Variants in B3GNT5 observed in about 807,000 individuals in gnomAD.
B3GNT5 encodes UDP-GlcNAc:betaGal beta-1,3-N-acetylglucosaminyltransferase 5.
B3GNT5 carries 11 observed loss-of-function variants against 25.9 expected under a neutral mutation model. The observed-to-expected ratio is 0.42, with a 90% CI of 0.27 to 0.70. B3GNT5 has a LOEUF of 0.70. Ranked by LOEUF, B3GNT5 falls within the 30% of genes least tolerant of loss-of-function variation. The probability of loss-of-function intolerance (pLI) is 0.23; values close to 1 mark genes in which losing one functional copy is unlikely to be tolerated. For synonymous variants in B3GNT5, 166 were observed against 158.6 expected, an observed-to-expected ratio of 1.05 and a Z score of -0.35; for missense variants, 385 against 458.4, an observed-to-expected ratio of 0.84 and a Z score of 1.46.
rs78189343 is a variant in B3GNT5 at position 183,260,465 on chromosome 3, T to C, written c.-302+6993T>C. Among the ~76,000 whole-genome samples, 1,002 of 152,326 alleles carry C rather than the reference T, an allele frequency of 6.6e-3. 13 individuals carry two copies. The highest frequency in any genetic ancestry group is 0.023 in the African/African-American group (970 of 41,566). ...GGGCCAAGCTCAGAAAAGCGAGTGT[T>C]TGACCTCTCTGAGACCTCCTTTATA... On this transcript the variant is annotated intron_variant, in intron 1 of 1. Transcript: ENST00000326505.
intron 1 of B3GNT5, among the ~76,000 whole-genome samples, chr3:183,259,320 G>T (rs1725370161): frequency 6.6e-6 from 1 of 152,140 alleles, no homozygotes; most frequent in Non-Finnish European, 1.5e-5. Flanking sequence ...CAGGGGTGGG[G>T]CTAGGAGTAG....
At position 183,255,823 on chromosome 3, in the gene B3GNT5, G is replaced by GA. The variant is rs1724994934; in HGVS notation, c.-302+2356dup. On this transcript the variant is annotated intron_variant, in intron 1 of 1. Coordinates refer to ENST00000326505, the MANE Select transcript of B3GNT5 (RefSeq NM_032047.5). ...GTGAGATTGTAAAAAAAAAAAAAAA[G>GA]AAAAAGAAAACTTTCTAATTCTCAA... Among the ~76,000 whole-genome samples the GA allele has an allele frequency of 3.4e-5, 5 of 145,974 alleles. No individual in the cohort carries two copies. The South Asian group carries it at 1.1e-3, about 32-fold the overall frequency.
In B3GNT5 at chr3:183,270,149, T is replaced by C; in HGVS notation, c.351T>C (p.Val117=). 3 of 1,614,120 alleles carry C rather than the reference T, an allele frequency of 1.9e-6. No individual in the cohort carries two copies. The highest frequency in any genetic ancestry group is 2.5e-6 in the Non-Finnish European group (3 of 1,180,012). The change falls in exon 2 of 2, where the codon GTT becomes GTC. Residue 117 remains valine, a synonymous_variant. Transcript: ENST00000326505. The surrounding 1 kb of genome is among the most constrained non-coding windows in gnomAD (Gnocchi z 4.5). ...IRRTWGNENY[V]RSQLNANIKT... ...GGACGTGGGGCAATGAAAATTATGT[T>C]CGGTCTCAGCTGAATGCCAACATCA...
chr3:183,264,985 C>CA (rs1343763301), intron 1 of B3GNT5, among the ~76,000 whole-genome samples: 1 of 152,194 alleles, frequency 6.6e-6, no homozygotes, highest in Non-Finnish European at 1.5e-5. Context: ...CCCTTCTTCT[C>CA]AGTCCAAATA....
Position 183,270,190 on chromosome 3 carries a change from T to C in B3GNT5, c.392T>C (p.Leu131Ser). Residue 131 changes from leucine to serine, a missense_variant, in exon 2 of 2, where the codon TTA becomes TCA. By Grantham distance (145) the Leu-to-Ser change is moderately radical. Coordinates refer to ENST00000326505, the MANE Select transcript of B3GNT5 (RefSeq NM_032047.5). This position sits in a 1 kb window ranked among gnomAD's most constrained non-coding sequence, Gnocchi z 4.5. ...LNANIKTLFA[L>S]GTPNPLEGEE... ...GCCAACATCAAAACTCTGTTTGCCT[T>C]AGGAACTCCTAATCCACTGGAGGGA... The C allele has an allele frequency of 1.2e-6, 2 of 1,614,204 alleles. No individual in the cohort carries two copies. Among genetic ancestry groups the C allele is most frequent in the Non-Finnish European group, 1.7e-6 (2 of 1,180,028 alleles).
intron 1 of B3GNT5, among the ~76,000 whole-genome samples, chr3:183,254,932 G>GTA (rs1232173591): frequency 2.0e-5 from 3 of 152,208 alleles, no homozygotes; most frequent in Admixed American, 2.0e-4. Flanking sequence ...TACCATATAG[G>GTA]TAAAAGTAAC....
intron 1 of B3GNT5, chr3:183,258,409 C>G (rs545155925): frequency 6.6e-6 from 1 of 152,658 alleles, no homozygotes; most frequent in African/African-American, 2.4e-5. Context: ...CGGGGTATGG[C>G]TGTAGACTTC....
intron 1 of B3GNT5, among the ~76,000 whole-genome samples, chr3:183,265,730 C>T (rs1225185366): frequency 6.6e-6 from 1 of 152,204 alleles, no homozygotes; most frequent in African/African-American, 2.4e-5. Flanking sequence ...AGGAGTTTTA[C>T]TTTTCCTAAA....
intron 1 of B3GNT5, among the ~76,000 whole-genome samples, chr3:183,262,024 T>C (rs1725639196): frequency 6.8e-6 from 1 of 146,948 alleles, no homozygotes; most frequent in Admixed American, 6.8e-5. Context: ...GAATATTTAT[T>C]AATAAAAGTT....
chr3:183,263,864 C>G (rs1725847177), intron 1 of B3GNT5, among the ~76,000 whole-genome samples: 1 of 152,188 alleles, frequency 6.6e-6, no homozygotes, highest in African/African-American at 2.4e-5. Context: ...GGTCATTCAT[C>G]AGGTCCTGCT....
At position 183,269,696 on chromosome 3, in the gene B3GNT5, T is replaced by C; in HGVS notation, c.-103T>C. 9.8e-7 allele frequency: 1 copy of C among 1,018,440 alleles called. No homozygotes were observed. The highest frequency in any genetic ancestry group is 1.6e-5 in the South Asian group (1 of 61,120). The allele number at this position is 1,018,440 out of a possible 1,614,324, so 63.1% of individuals were successfully genotyped here. ...ACTTCCATTTTTAATGACCAACATG[T>C]ATTAAGATGGACACCTACTCTACGA... On this transcript the variant is annotated 5_prime_UTR_variant, in exon 2 of 2. Transcript: ENST00000326505.
chr3:183,263,574 T>C (rs1725817225), intron 1 of B3GNT5, among the ~76,000 whole-genome samples: 1 of 152,166 alleles, frequency 6.6e-6, no homozygotes, highest in Non-Finnish European at 1.5e-5. Context: ...TCCAGGCCCA[T>C]TGCTGTCTCT....
chr3:183,270,079 T>C lies in B3GNT5; in HGVS notation c.281T>C (p.Val94Ala), dbSNP rs1726604035. 6.2e-7 allele frequency: 1 copy of C among 1,614,062 alleles called. No homozygotes were observed. Among genetic ancestry groups the C allele is most frequent in the South Asian group, 1.1e-5 (1 of 91,084 alleles). Residue 94 changes from valine (V) to alanine (A), a missense_variant, in exon 2 of 2, where the codon GTA (valine) becomes GCA (alanine). Val to Ala is a moderately conservative substitution (Grantham distance 64). Transcript: ENST00000326505. This position sits in a 1 kb window ranked among gnomAD's most constrained non-coding sequence, Gnocchi z 4.5. ...QAQDVLLLLF[V>A]KTAPENYDRR... The stretch of plus-strand genomic sequence containing the variant: ...CAAGACGTCCTCCTTTTACTGTTTG[T>C]AAAAACTGCTCCTGAAAACTATGAT...
rs752838845 is a variant in B3GNT5 at position 183,270,249 on chromosome 3, C to A, written c.451C>A (p.Gln151Lys). The stretch of plus-strand genomic sequence containing the variant: ...ACAAAGAAAACTGGCTTGGGAAGAT[C>A]AAAGGTACAATGATATAATTCAGCA... ...ELQRKLAWED[Q>K]RYNDIIQQDF... The change falls in exon 2 of 2, where the codon CAA becomes AAA. Residue 151 changes from glutamine to lysine, a missense_variant. Gln to Lys is a moderately conservative substitution (Grantham distance 53). Coordinates refer to ENST00000326505, the MANE Select transcript of B3GNT5 (RefSeq NM_032047.5). The surrounding 1 kb of genome is among the most constrained non-coding windows in gnomAD (Gnocchi z 4.5). 11 of 1,613,998 alleles carry A rather than the reference C, an allele frequency of 6.8e-6. No homozygotes were observed. Among genetic ancestry groups the A allele is most frequent in the Admixed American group, 1.7e-5 (1 of 60,006 alleles).
At chr3:183,261,221 T>C (rs1052390371) in intron 1 of B3GNT5, among the ~76,000 whole-genome samples, 1 of 152,188 alleles carries the variant, frequency 6.6e-6, no homozygotes, top group Admixed American at 6.5e-5. Flanking sequence ...AAATTATAGC[T>C]TTTCCAGTAA....
chr3:183,270,531 C>G lies in B3GNT5; in HGVS notation c.733C>G (p.Gln245Glu). 2 of 1,614,056 alleles carry G rather than the reference C, an allele frequency of 1.2e-6. No individual in the cohort carries two copies. Among genetic ancestry groups the G allele is most frequent in the Non-Finnish European group, 1.7e-6 (2 of 1,179,980 alleles). ...SKYYVSYEMY[Q>E]WPAYPDYTAG... is the part of the protein sequence containing the mutation. ...ATACTACGTGTCCTATGAAATGTACCAGTGGCCAGCTTACCCTGACTACAC... is the reference window on the plus strand; with the variant it reads ...ATACTACGTGTCCTATGAAATGTACGAGTGGCCAGCTTACCCTGACTACAC... The change falls in exon 2 of 2, where the codon CAG becomes GAG. Residue 245 changes from glutamine (Q) to glutamate (E), a missense_variant. Transcript: ENST00000326505. This position sits in a 1 kb window ranked among gnomAD's most constrained non-coding sequence, Gnocchi z 4.5.
intron 1 of B3GNT5, among the ~76,000 whole-genome samples, chr3:183,269,230 C>CTTTTTTTTTTTATTTTTT (rs1726472230): frequency 2.5e-5 from 2 of 81,030 alleles, no homozygotes; most frequent in East Asian, 1.1e-3. Context: ...GTTTGGGAAG[C>CTTTTTTTTTTTATTTTTT]TTTTTTTTTT....
chr3:183,261,100 T>G (rs1725537322), intron 1 of B3GNT5, among the ~76,000 whole-genome samples: 2 of 152,350 alleles, frequency 1.3e-5, no homozygotes, highest in African/African-American at 4.8e-5. Flanking sequence ...TCACATTGCC[T>G]CCTTCCTCCT....
intron 1 of B3GNT5, among the ~76,000 whole-genome samples, chr3:183,263,922 C>G (rs1725853642): frequency 6.6e-6 from 1 of 152,106 alleles, no homozygotes; most frequent in Non-Finnish European, 1.5e-5. Context: ...TTCCTTCCGT[C>G]CCCATTTCCA....
Sources: gnomAD v4.1 joint callset for allele counts (sites outside exome capture counted in the v4.1 genomes callset) on GRCh38, gnomAD v4.1.1 for gene constraint, Gnocchi (gnomAD v3.1) non-coding constraint, MANE v1.5 for transcripts, NCBI Gene and HGNC (gene_info 2026-07-23, HGNC 2026-07-21) for gene names.